AKT3: variants seen among roughly 807,000 people sequenced by gnomAD.
The protein encoded by AKT3 is AKT serine/threonine kinase 3.
AKT3 carries 15 observed loss-of-function variants against 65.3 expected under a neutral mutation model. The observed-to-expected ratio is 0.23, with a 90% CI of 0.15 to 0.35. AKT3 has a LOEUF of 0.35. AKT3 is among the 10% of genes least tolerant of loss of function. The probability of loss-of-function intolerance (pLI) is 1.00; values close to 1 mark genes in which losing one functional copy is unlikely to be tolerated. For synonymous variants in AKT3, 206 were observed against 183.8 expected (o/e 1.12, Z -0.98); for missense variants, 243 against 576.5 (o/e 0.42, Z 5.92).
intron 5 of AKT3, among the ~76,000 whole-genome samples, chr1:243,639,119 T>G (rs1680189913): frequency 6.6e-6 from 1 of 152,116 alleles, no homozygotes; most frequent in Admixed American, 6.5e-5. Context: ...ACAATAAAAT[T>G]GACACCTTTG....
At chr1:243,569,872 C>T (rs1283125645) in intron 9 of AKT3, among the ~76,000 whole-genome samples, 2 of 152,140 alleles carry the variant, frequency 1.3e-5, no homozygotes, top group Admixed American at 1.3e-4. Flanking sequence ...AAAATAAGAG[C>T]TAAGCAGAAA....
At chr1:243,536,341 G>A (rs570599073) in intron 12 of AKT3, among the ~76,000 whole-genome samples, 9 of 152,058 alleles carry the variant, frequency 5.9e-5, no homozygotes, top group Non-Finnish European at 7.4e-5. Context: ...TTTTCTTCTA[G>A]AATTTTTTAT....
chr1:243,754,727 G>A (rs565605544), intron 2 of AKT3, among the ~76,000 whole-genome samples: 1 of 152,308 alleles, frequency 6.6e-6, no homozygotes, highest in South Asian at 2.1e-4. Context: ...ATGGTCTGAA[G>A]TGCAACAGTT....
At chr1:243,530,335 A>C (rs1671441290) in intron 12 of AKT3, among the ~76,000 whole-genome samples, 1 of 152,220 alleles carries the variant, frequency 6.6e-6, no homozygotes, top group Non-Finnish European at 1.5e-5. Flanking sequence ...CTCAGACCAC[A>C]GCACAATAAA....
At chr1:243,498,234 G>C (rs756441778), downstream of AKT3, among the ~76,000 whole-genome samples, 1 of 149,642 alleles carries the variant, frequency 6.7e-6, no homozygotes, top group Non-Finnish European at 1.5e-5. Flanking sequence ...TTGACAATCA[G>C]ATCGTGTTGG....
intron 2 of AKT3, among the ~76,000 whole-genome samples, chr1:243,728,270 C>T (rs985648816): frequency 1.3e-5 from 2 of 152,198 alleles, no homozygotes; most frequent in Non-Finnish European, 2.9e-5. Context: ...CACACACACA[C>T]CCAGTATTCA....
chr1:243,847,488 C>CA (rs1404145935), intron 1 of AKT3, among the ~76,000 whole-genome samples: 1 of 152,128 alleles, frequency 6.6e-6, no homozygotes, highest in East Asian at 1.9e-4. Context: ...TAAACTTCTA[C>CA]AAAATCAATT....
chr1:243,602,199 A>G (rs1010136130), intron 8 of AKT3, among the ~76,000 whole-genome samples: 4 of 152,180 alleles, frequency 2.6e-5, no homozygotes, highest in African/African-American at 2.4e-5. Context: ...TTAACCATTC[A>G]TTTTTTAAAA....
chr1:243,656,461 T>A (rs1681801722), intron 4 of AKT3, among the ~76,000 whole-genome samples: 1 of 152,116 alleles, frequency 6.6e-6, no homozygotes, highest in Non-Finnish European at 1.5e-5. Context: ...ATGGGTAAAA[T>A]GATACAAGTA....
intron 8 of AKT3, among the ~76,000 whole-genome samples, chr1:243,589,043 C>T (rs910735087): frequency 2.0e-5 from 3 of 152,028 alleles, no homozygotes; most frequent in African/African-American, 7.2e-5. Flanking sequence ...CACAGTGGCT[C>T]ACGCCTGCAA....
intron 2 of AKT3, among the ~76,000 whole-genome samples, chr1:243,700,806 T>A (rs1685403561): frequency 1.3e-5 from 2 of 152,114 alleles, no homozygotes; most frequent in African/African-American, 4.8e-5. Flanking sequence ...CCGGCCAGGC[T>A]TAGTCTTTAA....
Position 243,835,735 on chromosome 1 carries a change from A to G in AKT3, c.46+7390T>C, listed in dbSNP as rs570067252. Among the ~76,000 whole-genome samples the G allele has an allele frequency of 3.8e-4, 58 of 152,162 alleles. 1 individual carries two copies. The highest frequency in any genetic ancestry group is 1.3e-3 in the African/African-American group (54 of 41,512). The stretch of plus-strand genomic sequence containing the variant: ...ATGATTGCCCTATAGGAGAATTACC[A>G]CTCCTGTTGAGAATGCATACTGTTA... On this transcript the variant is annotated intron_variant, in intron 2 of 13. Coordinates refer to ENST00000673466, the MANE Select transcript of AKT3 (RefSeq NM_005465.7).
intron 8 of AKT3, among the ~76,000 whole-genome samples, chr1:243,602,042 A>C (rs753375614): frequency 3.9e-5 from 6 of 152,200 alleles, no homozygotes; most frequent in Non-Finnish European, 7.3e-5. Flanking sequence ...AAATACCCAG[A>C]TGCCTGGCAG....
At chr1:243,843,533 G>A in intron 1 of AKT3, 1 of 1,068,020 alleles carries the variant, frequency 9.4e-7, no homozygotes, top group Non-Finnish European at 1.1e-6. Flanking sequence ...AAGAAAACCA[G>A]TCACGCCTAC....
At chr1:243,568,537 G>C (rs151156457) in intron 9 of AKT3, among the ~76,000 whole-genome samples, 308 of 152,146 alleles carry the variant, frequency 2.0e-3, no homozygotes, top group Non-Finnish European at 3.4e-3. Context: ...TTACTTGACA[G>C]AGGGTCTTGA....
chr1:243,806,859 G>C (rs968204928), intron 2 of AKT3, among the ~76,000 whole-genome samples: 1 of 152,192 alleles, frequency 6.6e-6, no homozygotes, highest in Admixed American at 6.5e-5. Flanking sequence ...AAAGGCAAGA[G>C]TGGGTTCTTT....
At chr1:243,518,278 T>C (rs1297088310) in intron 12 of AKT3, among the ~76,000 whole-genome samples, 1 of 152,160 alleles carries the variant, frequency 6.6e-6, no homozygotes, top group Non-Finnish European at 1.5e-5. Flanking sequence ...TAAACATTTG[T>C]AGGGAAGCAA....
intron 2 of AKT3, among the ~76,000 whole-genome samples, chr1:243,786,452 G>A (rs999988488): frequency 6.6e-6 from 1 of 152,166 alleles, no homozygotes; most frequent in African/African-American, 2.4e-5. Context: ...TAGGAATGGT[G>A]GTATTGTTGT....
intron 8 of AKT3, among the ~76,000 whole-genome samples, chr1:243,594,084 A>G (rs1293772279): frequency 6.6e-6 from 1 of 152,224 alleles, no homozygotes; most frequent in African/African-American, 2.4e-5. Context: ...TCTAGAACTA[A>G]TAAGTGAGCT....
Sources: allele counts gnomAD v4.1 joint callset (sites outside exome capture counted in the v4.1 genomes callset), GRCh38; gene constraint gnomAD v4.1.1; transcripts MANE v1.5; gene names NCBI Gene and HGNC (gene_info 2026-07-23, HGNC 2026-07-21).